DOCK3: variants seen among roughly 807,000 people sequenced by gnomAD.
DOCK3 encodes dedicator of cytokinesis protein 3.
DOCK3 carries 60 observed loss-of-function variants against 265.6 expected under a neutral mutation model. The observed-to-expected ratio is 0.23, with a 90% CI of 0.18 to 0.28. The LOEUF is 0.28. Among genes scored for constraint, DOCK3 ranks in the 10% least tolerant of loss-of-function variants. DOCK3 has a pLI of 1.00. For synonymous variants in DOCK3, 881 were observed against 938.0 expected (o/e 0.94, Z 1.11); for missense variants, 1,981 against 2,594.3 (o/e 0.76, Z 5.14).
At chr3:50,699,308 A>T (rs1188661674) in intron 1 of DOCK3, among the ~76,000 whole-genome samples, 1 of 152,092 alleles carries the variant, frequency 6.6e-6, no homozygotes, top group Non-Finnish European at 1.5e-5. Flanking sequence ...TGCTGCTTTG[A>T]TACTGTAGCT....
chr3:50,738,893 C>T (rs528052133), intron 1 of DOCK3, among the ~76,000 whole-genome samples: 4 of 152,134 alleles, frequency 2.6e-5, no homozygotes, highest in East Asian at 3.9e-4. Context: ...TTTCATATCT[C>T]CGTTGGTAGG....
intron 27 of DOCK3, among the ~76,000 whole-genome samples, chr3:51,307,337 A>G (rs759065970): frequency 6.6e-6 from 1 of 152,114 alleles, no homozygotes; most frequent in Non-Finnish European, 1.5e-5. Flanking sequence ...AGCTGGTTCC[A>G]AACTCCTGGC....
intron 1 of DOCK3, among the ~76,000 whole-genome samples, chr3:50,710,054 A>T (rs1458387): frequency 0.094 from 14,364 of 152,190 alleles, 834 homozygotes; most frequent in Non-Finnish European, 0.12. Context: ...AAGACCTGAA[A>T]CCAAAAATTT....
At chr3:50,941,996 T>C (rs2076309186) in intron 5 of DOCK3, among the ~76,000 whole-genome samples, 1 of 152,092 alleles carries the variant, frequency 6.6e-6, no homozygotes, top group South Asian at 2.1e-4. Context: ...TATTTGAATT[T>C]ACACATGTGG....
intron 4 of DOCK3, among the ~76,000 whole-genome samples, chr3:50,918,854 G>A (rs2108005259): frequency 6.6e-6 from 1 of 152,310 alleles, no homozygotes; most frequent in East Asian, 1.9e-4. Context: ...GACCTGAATG[G>A]TATTGCCTAG....
intron 1 of DOCK3, among the ~76,000 whole-genome samples, chr3:50,687,632 C>T (rs2034921821): frequency 6.6e-6 from 1 of 152,166 alleles, no homozygotes. Context: ...TTAATCACAT[C>T]CTGTAAAATG....
intron 7 of DOCK3, among the ~76,000 whole-genome samples, chr3:51,075,724 T>A (rs1171940249): frequency 6.6e-6 from 1 of 152,228 alleles, no homozygotes; most frequent in Non-Finnish European, 1.5e-5. Context: ...ACTAAAGTTA[T>A]GTCTCTTTCC....
chr3:50,682,733 G>A (rs568400490), intron 1 of DOCK3, among the ~76,000 whole-genome samples: 31 of 152,350 alleles, frequency 2.0e-4, no homozygotes, highest in African/African-American at 6.5e-4. Flanking sequence ...GAGGTCAGGA[G>A]TTTGAGACCA....
chr3:51,012,436 AC>A (rs1216284263), intron 5 of DOCK3, among the ~76,000 whole-genome samples: 1 of 152,010 alleles, frequency 6.6e-6, no homozygotes, highest in East Asian at 1.9e-4. Context: ...TGGGTGTGGG[AC>A]CCTCCAAGCC....
chr3:51,001,777 A>C (rs1167665983), intron 5 of DOCK3, among the ~76,000 whole-genome samples: 1 of 152,178 alleles, frequency 6.6e-6, no homozygotes, highest in African/African-American at 2.4e-5. Flanking sequence ...ATATGAGAGT[A>C]CCAGTTGTTC....
At chr3:51,344,947 G>T (rs796923109) in intron 38 of DOCK3, among the ~76,000 whole-genome samples, 7 of 152,176 alleles carry the variant, frequency 4.6e-5, no homozygotes, top group Non-Finnish European at 1.0e-4. Flanking sequence ...CAGAGATGCC[G>T]GCAAGATAGA....
chr3:50,703,548 C>T (rs903232313), intron 1 of DOCK3, among the ~76,000 whole-genome samples: 6 of 151,424 alleles, frequency 4.0e-5, no homozygotes, highest in African/African-American at 7.3e-5. Flanking sequence ...TTTCTTGGTT[C>T]AGTCTTGGTG....
chr3:51,024,240 C>T (rs1367425015), intron 5 of DOCK3, among the ~76,000 whole-genome samples: 1 of 152,164 alleles, frequency 6.6e-6, no homozygotes, highest in East Asian at 1.9e-4. Context: ...TTCACTGTCT[C>T]CTATTGGGTT....
intron 32 of DOCK3, among the ~76,000 whole-genome samples, chr3:51,327,350 T>A (rs1338895183): frequency 1.3e-5 from 2 of 152,140 alleles, no homozygotes; most frequent in African/African-American, 4.8e-5. Context: ...ATTTCACAAA[T>A]GTAGAAACTT....
intron 5 of DOCK3, among the ~76,000 whole-genome samples, chr3:50,991,641 G>A (rs2078108766): frequency 6.6e-6 from 1 of 152,028 alleles, no homozygotes; most frequent in South Asian, 2.1e-4. Context: ...AATAATAGTG[G>A]GAGACTTCAA....
rs548443060 is a variant in DOCK3, at chr3:51,003,723, GAATGTCTTC to G, written c.316-60719_316-60711del. 2.8e-3 allele frequency among the ~76,000 whole-genome samples: 425 copies of G among 152,142 alleles called. 3 individuals are homozygous for G. Among genetic ancestry groups the G allele is most frequent in the African/African-American group, 9.8e-3 (407 of 41,528 alleles). ...AATCTCATAACATGTTTGTCTCTTG[GAATGTCTTC>G]AATGTAATTTTCACTTGGACATGTT... On this transcript the variant is annotated intron_variant, in intron 5 of 52. Coordinates refer to ENST00000266037, the MANE Select transcript of DOCK3 (RefSeq NM_004947.5).
At chr3:51,205,711 T>C (rs1362384636) in intron 12 of DOCK3, among the ~76,000 whole-genome samples, 1 of 151,908 alleles carries the variant, frequency 6.6e-6, no homozygotes, top group East Asian at 1.9e-4. Flanking sequence ...GATCAGTTAA[T>C]AGATAGATAG....
At chr3:51,063,074 T>C (rs1480334645) in intron 5 of DOCK3, among the ~76,000 whole-genome samples, 8 of 152,164 alleles carry the variant, frequency 5.3e-5, no homozygotes, top group Admixed American at 4.6e-4. Flanking sequence ...AATTTCTCTT[T>C]AAGATGAATC....
Position 50,786,884 on chromosome 3 carries a change from T to C in DOCK3, c.121+8126T>C, listed in dbSNP as rs2042211533. 8.1e-6 allele frequency: 6 copies of C among 739,000 alleles called. No individual in the cohort carries two copies. The South Asian group carries it at 8.1e-5, about 10-fold the overall frequency. The allele number at this position is 739,000 out of a possible 1,614,324, so 45.8% of individuals were successfully genotyped here. A position where few individuals can be genotyped will look rare whatever the true frequency, so the allele number is the denominator to read the frequency against. The stretch of plus-strand genomic sequence containing the variant: ...GCATCTGAAGGACTTCTCTCCAGAA[T>C]GCTGCAGGGAGTGCCCCATGAGTGA... On this transcript the variant is annotated intron_variant, in intron 2 of 52. Transcript: ENST00000266037.
Sources: gnomAD v4.1 joint callset for allele counts (sites outside exome capture counted in the v4.1 genomes callset) on GRCh38, gnomAD v4.1.1 for gene constraint, MANE v1.5 for transcripts, NCBI Gene and HGNC (gene_info 2026-07-23, HGNC 2026-07-21) for gene names.